Variants in LDB2 observed in about 807,000 individuals in gnomAD.
LDB2 encodes the protein LIM domain-binding protein 2.
LDB2 carries 12 observed loss-of-function variants against 44.3 expected under a neutral mutation model. The ratio of observed to expected loss-of-function variants is 0.27; its 90% CI spans 0.17 to 0.44. The LOEUF (loss-of-function observed/expected upper bound fraction) is 0.44. Among genes scored for constraint, LDB2 ranks in the 20% least tolerant of loss-of-function variants. The pLI is 1.00. For missense variants in LDB2, 344 were observed against 473.5 expected (o/e 0.73, Z 2.54); for synonymous variants, 164 against 174.8 (o/e 0.94, Z 0.49).
At chr4:16,525,344 A>AGCTC (rs1045006411) in intron 5 of LDB2, among the ~76,000 whole-genome samples, 20 of 152,214 alleles carry the variant, frequency 1.3e-4, no homozygotes, top group African/African-American at 4.6e-4. Context: ...ACCAGGCAAC[A>AGCTC]GCTCTCCAGC....
chr4:16,581,966 AGAAGGAAG>A (rs1159916123), intron 5 of LDB2, among the ~76,000 whole-genome samples: 5 of 137,594 alleles, frequency 3.6e-5, no homozygotes, highest in African/African-American at 1.1e-4. Flanking sequence ...AATAAAAGAA[AGAAGGAAG>A]GAAGGAAGGG....
At chr4:16,895,509 G>C (rs935447736) in intron 1 of LDB2, among the ~76,000 whole-genome samples, 1 of 151,914 alleles carries the variant, frequency 6.6e-6, no homozygotes, top group African/African-American at 2.4e-5. Context: ...TCAAAAAGGG[G>C]TGAAGACTTG....
chr4:16,554,680 C>G (rs754366857), intron 5 of LDB2, among the ~76,000 whole-genome samples: 22 of 152,296 alleles, frequency 1.4e-4, no homozygotes, highest in Non-Finnish European at 3.1e-4. Context: ...GAAAAGGCAA[C>G]TGCATGATTA....
chr4:16,645,656 C>T (rs1315687533), intron 2 of LDB2, among the ~76,000 whole-genome samples: 1 of 150,428 alleles, frequency 6.6e-6, no homozygotes, highest in Admixed American at 6.6e-5. Flanking sequence ...AAATAAGCAA[C>T]AGGAGGTAAA....
intron 2 of LDB2, among the ~76,000 whole-genome samples, chr4:16,618,208 C>A (rs887254022): frequency 1.3e-5 from 2 of 152,146 alleles, no homozygotes; most frequent in Admixed American, 6.5e-5. Flanking sequence ...AGGCCTCACC[C>A]CCAGCAGCTT....
At chr4:16,558,557 A>T (rs1271140896) in intron 5 of LDB2, among the ~76,000 whole-genome samples, 1 of 152,266 alleles carries the variant, frequency 6.6e-6, no homozygotes, top group Non-Finnish European at 1.5e-5. Flanking sequence ...ATATGGCACT[A>T]TGTGAAAAGA....
intron 5 of LDB2, among the ~76,000 whole-genome samples, chr4:16,570,386 C>T (rs1274421084): frequency 7.5e-6 from 1 of 133,156 alleles, no homozygotes; most frequent in African/African-American, 2.8e-5. Context: ...TGGTGTGAAC[C>T]TGGGAGGCGG....
Position 16,503,223 on chromosome 4 carries a change from C to T in LDB2, c.892-350G>A, listed in dbSNP as rs140703570. The stretch of plus-strand genomic sequence containing the variant: ...GGGACTTTTGAGAGGGCTGTGGAAC[C>T]TTCTGCTGGGTGCTTCTCAATACCT... On this transcript the variant is annotated intron_variant, in intron 7 of 7. Transcript: ENST00000304523. 2.0e-4 allele frequency: 271 copies of T among 1,330,746 alleles called. 1 individual carries two copies. In the East Asian group the frequency reaches 6.7e-3, roughly 33 times the overall value. 82.4% of individuals were successfully genotyped at this position (1,330,746 alleles called of 1,614,324 possible). A position where few individuals can be genotyped will look rare whatever the true frequency, so the allele number is the denominator to read the frequency against.
chr4:16,748,681 T>A (rs1220784012), intron 2 of LDB2, among the ~76,000 whole-genome samples: 2 of 152,200 alleles, frequency 1.3e-5, no homozygotes, highest in Non-Finnish European at 2.9e-5. Flanking sequence ...TGGATTTGGC[T>A]CACTCCACTA....
intron 1 of LDB2, among the ~76,000 whole-genome samples, chr4:16,797,711 C>T (rs1777012481): frequency 6.6e-6 from 1 of 151,850 alleles, no homozygotes; most frequent in Admixed American, 6.6e-5. Flanking sequence ...AGCCAGACTC[C>T]CTGCTCACCT....
chr4:16,883,538 G>T (rs1333899709), intron 1 of LDB2, among the ~76,000 whole-genome samples: 1 of 152,206 alleles, frequency 6.6e-6, no homozygotes, highest in Non-Finnish European at 1.5e-5. Flanking sequence ...GGCTTGGGAC[G>T]TTCCTCTGAT....
chr4:16,597,116 C>T (rs1721182410), intron 2 of LDB2, among the ~76,000 whole-genome samples: 1 of 151,968 alleles, frequency 6.6e-6, no homozygotes, highest in Non-Finnish European at 1.5e-5. Context: ...AGTGATAATC[C>T]ACTTTGTGTG....
intron 1 of LDB2, among the ~76,000 whole-genome samples, chr4:16,860,677 C>A (rs1383259761): frequency 2.0e-5 from 3 of 152,212 alleles, no homozygotes; most frequent in African/African-American, 7.2e-5. Context: ...CTTGACAAAG[C>A]ATTCTAAGAT....
intron 2 of LDB2, among the ~76,000 whole-genome samples, chr4:16,738,776 T>C (rs1302856675): frequency 2.6e-5 from 4 of 152,242 alleles, no homozygotes; most frequent in African/African-American, 7.2e-5. Context: ...TGAATGAATA[T>C]GCGAATGGAT....
intron 2 of LDB2, among the ~76,000 whole-genome samples, chr4:16,600,100 C>T (rs1350242065): frequency 6.6e-6 from 1 of 152,048 alleles, no homozygotes; most frequent in Non-Finnish European, 1.5e-5. Flanking sequence ...GTCAACCATG[C>T]CACTGCATTG....
chr4:16,719,411 T>C (rs1008831756), intron 2 of LDB2, among the ~76,000 whole-genome samples: 1 of 152,156 alleles, frequency 6.6e-6, no homozygotes, highest in Non-Finnish European at 1.5e-5. Context: ...ATTTTTACTA[T>C]GTCCGTTCCA....
intron 1 of LDB2, among the ~76,000 whole-genome samples, chr4:16,842,847 T>C (rs996717823): frequency 1.3e-5 from 2 of 152,200 alleles, no homozygotes; most frequent in African/African-American, 4.8e-5. Flanking sequence ...ACAACCCTCA[T>C]TGCCCCATTT....
chr4:16,524,932 A>AGAG (rs1447590792), intron 5 of LDB2, among the ~76,000 whole-genome samples: 2 of 152,172 alleles, frequency 1.3e-5, no homozygotes, highest in Admixed American at 6.5e-5. Flanking sequence ...CAGGGACCTG[A>AGAG]GAGACTAGGT....
intron 1 of LDB2, among the ~76,000 whole-genome samples, chr4:16,846,862 G>C (rs541600082): frequency 2.0e-5 from 3 of 152,256 alleles, no homozygotes; most frequent in African/African-American, 7.2e-5. Context: ...CAATTTCTGT[G>C]GATTTTTGAT....
Sources: allele counts gnomAD v4.1 joint callset (sites outside exome capture counted in the v4.1 genomes callset), GRCh38; gene constraint gnomAD v4.1.1; transcripts MANE v1.5; gene names NCBI Gene and HGNC (gene_info 2026-07-23, HGNC 2026-07-21).